Variants in OCIAD2 observed in about 807,000 individuals in gnomAD.
OCIAD2 encodes OCIA domain-containing protein 2.
In OCIAD2, 29 loss-of-function variants were observed where a neutral mutation model predicts 22.9. The ratio of observed to expected loss-of-function variants is 1.27; its 90% CI spans 0.94 to 1.73. OCIAD2 has a LOEUF of 1.73. Among genes scored for constraint, OCIAD2 ranks in the 40% most tolerant of loss-of-function variants. The pLI is 0.00. For synonymous variants in OCIAD2, 67 were observed against 60.2 expected (o/e 1.11, Z -0.52); for missense variants, 189 against 180.3 (o/e 1.05, Z -0.28).
chr4:48,898,129 C>A lies in OCIAD2; in HGVS notation c.164-272G>T, dbSNP rs532648352. On this transcript the variant is annotated intron_variant, in intron 3 of 6. Transcript: ENST00000508632. ...TCCACTTGTACTGAATGCCAACATGCACCAGATTCTAAGCACTACATATAA... is the reference window on the plus strand; with the variant it reads ...TCCACTTGTACTGAATGCCAACATGAACCAGATTCTAAGCACTACATATAA... Among the ~76,000 whole-genome samples the A allele has an allele frequency of 1.9e-3, 286 of 152,298 alleles. 1 individual carries two copies. The highest frequency in any genetic ancestry group is 1.3e-3 in the Non-Finnish European group (88 of 68,020).
rs74509852 is a variant in OCIAD2 at position 48,885,382 on chromosome 4, T to G, written c.*102A>C. On this transcript the variant is annotated 3_prime_UTR_variant, in exon 7 of 7. Transcript: ENST00000508632. The stretch of plus-strand genomic sequence containing the variant: ...ATTTCAGTGAGTGACAGACACAATG[T>G]TTTTGTTCCATTAGAAGTATTTTAT... 103 of 745,738 alleles carry G rather than the reference T, an allele frequency of 1.4e-4. No homozygotes were observed. In the African/African-American group the frequency reaches 1.7e-3, roughly 12 times the overall value. 46.2% of individuals were successfully genotyped at this position (745,738 alleles called of 1,614,324 possible).
rs1780947767 is a variant in OCIAD2 at position 48,885,252 on chromosome 4, G to A, written c.*232C>T. 3 of 445,372 alleles carry A rather than the reference G, an allele frequency of 6.7e-6. No homozygotes were observed. In the South Asian group the frequency reaches 9.9e-5, roughly 15 times the overall value. The allele number at this position is 445,372 out of a possible 1,614,324, so 27.6% of individuals were successfully genotyped here. A position where few individuals can be genotyped will look rare whatever the true frequency, so the allele number is the denominator to read the frequency against. On this transcript the variant is annotated 3_prime_UTR_variant, in exon 7 of 7. Coordinates refer to ENST00000508632, the MANE Select transcript of OCIAD2 (RefSeq NM_001014446.3). ...GATCTGCCTGCCTCGGCCTCCCAAA[G>A]TACTGGGATTACAGGCATGAGCCAC...
chr4:48,904,656 G>C, intron 1 of OCIAD2, 45 bp from the exon 2 acceptor site: 3 of 1,039,528 alleles, frequency 2.9e-6, no homozygotes, highest in South Asian at 1.3e-5. Context: ...CTAAATGTTT[G>C]CATCAAGCTT....
intron 6 of OCIAD2, 61 bp from the exon 7 acceptor site, chr4:48,885,626 A>C (rs1780962750): frequency 1.2e-6 from 1 of 830,822 alleles, no homozygotes; most frequent in African/African-American, 1.7e-5. Flanking sequence ...CCTAGTCTTT[A>C]CATAACATAT....
chr4:48,902,886 G>A (rs1041529093), intron 2 of OCIAD2, among the ~76,000 whole-genome samples: 2 of 152,122 alleles, frequency 1.3e-5, no homozygotes, highest in African/African-American at 4.8e-5. Context: ...CCAGGAGGTG[G>A]AGGTTGCAGT....
At chr4:48,886,037 T>G (rs1474368912) in intron 6 of OCIAD2, among the ~76,000 whole-genome samples, 2 of 152,208 alleles carry the variant, frequency 1.3e-5, no homozygotes, top group African/African-American at 2.4e-5. Flanking sequence ...TAGGTTTTCT[T>G]CTAGGATTTT....
intron 1 of OCIAD2, among the ~76,000 whole-genome samples, chr4:48,906,208 G>A (rs1177769001): frequency 1.3e-5 from 2 of 152,208 alleles, no homozygotes; most frequent in Non-Finnish European, 2.9e-5. Context: ...CCTTGCAGGT[G>A]TAGCTCCCAC....
At chr4:48,887,117 C>T (rs1471797434) in intron 6 of OCIAD2, among the ~76,000 whole-genome samples, 1 of 152,248 alleles carries the variant, frequency 6.6e-6, no homozygotes, top group African/African-American at 2.4e-5. Context: ...TTTCATGTGT[C>T]TTTTGGCTGC....
At chr4:48,888,840 T>A (rs1781074785) in intron 6 of OCIAD2, among the ~76,000 whole-genome samples, 1 of 152,202 alleles carries the variant, frequency 6.6e-6, no homozygotes, top group East Asian at 1.9e-4. Flanking sequence ...ATCAAGATGA[T>A]GTTGGCCTCA....
chr4:48,904,933 C>G (rs1781495231), intron 1 of OCIAD2, among the ~76,000 whole-genome samples: 1 of 152,078 alleles, frequency 6.6e-6, no homozygotes, highest in African/African-American at 2.4e-5. Context: ...GGGAGATAGA[C>G]AAGTCAACAG....
chr4:48,894,816 G>A (rs1358674252), intron 4 of OCIAD2, among the ~76,000 whole-genome samples: 1 of 152,092 alleles, frequency 6.6e-6, no homozygotes, highest in Admixed American at 6.5e-5. Context: ...AATGCAAACA[G>A]TACAACTCAT....
At chr4:48,898,012 G>A (rs994277762) in intron 3 of OCIAD2, among the ~76,000 whole-genome samples, 155 bp from the exon 4 acceptor site, 2 of 152,092 alleles carry the variant, frequency 1.3e-5, no homozygotes, top group Non-Finnish European at 2.9e-5. Flanking sequence ...TATTTATTAA[G>A]TGCAGCATGG....
chr4:48,897,425 A>G (rs1717265368), intron 4 of OCIAD2, among the ~76,000 whole-genome samples: 1 of 152,004 alleles, frequency 6.6e-6, no homozygotes, highest in South Asian at 2.1e-4. Flanking sequence ...AAGGCCAACA[A>G]TGTTGAGCTG....
intron 4 of OCIAD2, among the ~76,000 whole-genome samples, chr4:48,895,608 C>T (rs1387168521): frequency 6.6e-6 from 1 of 152,222 alleles, no homozygotes; most frequent in African/African-American, 2.4e-5. Flanking sequence ...AACTTAACCT[C>T]TTAAAGGCCC....
chr4:48,892,993 G>A (rs1480234300), intron 5 of OCIAD2, 104 bp from the exon 6 acceptor site: 39 of 646,040 alleles, frequency 6.0e-5, no homozygotes, highest in Non-Finnish European at 8.9e-5. Flanking sequence ...AAAGGACCAC[G>A]CTAAATCAAT....
intron 2 of OCIAD2, among the ~76,000 whole-genome samples, chr4:48,903,104 C>T (rs1781450363): frequency 6.6e-6 from 1 of 152,206 alleles, no homozygotes; most frequent in Admixed American, 6.5e-5. Flanking sequence ...GCTCCTTAAA[C>T]ATTACTGCTA....
intron 5 of OCIAD2, 21 bp downstream of exon 5, chr4:48,893,985 T>C: frequency 6.7e-7 from 1 of 1,489,352 alleles, no homozygotes; most frequent in South Asian, 1.5e-5. Flanking sequence ...CTTGGCTTGC[T>C]TTTTTATTTC....
intron 6 of OCIAD2, among the ~76,000 whole-genome samples, chr4:48,887,349 C>T (rs1448318018): frequency 6.6e-6 from 1 of 152,128 alleles, no homozygotes; most frequent in Non-Finnish European, 1.5e-5. Context: ...TAATTAGATC[C>T]CATTTATCAA....
intron 4 of OCIAD2, 152 bp downstream of exon 4, chr4:48,897,652 G>C (rs560261574): frequency 1.4e-6 from 1 of 703,082 alleles, no homozygotes; most frequent in African/African-American, 1.8e-5. Context: ...ATGCTTTCTG[G>C]GGAGATGGGG....
Sources: gnomAD v4.1 joint callset for allele counts (sites outside exome capture counted in the v4.1 genomes callset) on GRCh38, gnomAD v4.1.1 for gene constraint, MANE v1.5 for transcripts, NCBI Gene and HGNC (gene_info 2026-07-23, HGNC 2026-07-21) for gene names.